Variants in SAMD12 observed in about 807,000 individuals in gnomAD.
SAMD12 encodes the protein sterile alpha motif domain containing 12.
SAMD12 carries 9 observed loss-of-function variants against 15.0 expected under a neutral mutation model. That is an observed-to-expected ratio of 0.60 (90% confidence interval 0.36 to 1.05). SAMD12 has a LOEUF of 1.05. Among genes scored for constraint, SAMD12 ranks in the 50% least tolerant of loss-of-function variants. The pLI, the probability that SAMD12 is intolerant of heterozygous loss-of-function variation, is 0.01. For synonymous variants in SAMD12, 86 were observed against 90.1 expected (o/e 0.96, Z 0.25); for missense variants, 230 against 234.2 (o/e 0.98, Z 0.12).
At chr8:118,617,097 C>T (rs886416820) in intron 1 of SAMD12, among the ~76,000 whole-genome samples, 2 of 152,202 alleles carry the variant, frequency 1.3e-5, no homozygotes, top group African/African-American at 4.8e-5. Context: ...ACAATATTAG[C>T]AAGCCCACTT....
chr8:118,460,582 G>T (rs1823387606), intron 2 of SAMD12, among the ~76,000 whole-genome samples: 1 of 152,138 alleles, frequency 6.6e-6, no homozygotes, highest in African/African-American at 2.4e-5. Flanking sequence ...GACAAACAGG[G>T]TATCTCTAGG....
At chr8:118,172,851 A>T in the SAMD12 span, among the ~76,000 whole-genome samples, 1 of 152,120 alleles carries the variant, frequency 6.6e-6, no homozygotes, top group African/African-American at 2.4e-5. Flanking sequence ...GACCTCTCTT[A>T]TTCATCTTGC....
intron 1 of SAMD12, among the ~76,000 whole-genome samples, chr8:118,595,560 G>A (rs941995559): frequency 6.6e-6 from 1 of 152,202 alleles, no homozygotes; most frequent in African/African-American, 2.4e-5. Flanking sequence ...TCAGACCAGA[G>A]AAAGTCTATC....
chr8:118,253,245 T>C (rs536050581), intron 4 of SAMD12, among the ~76,000 whole-genome samples: 9 of 152,296 alleles, frequency 5.9e-5, no homozygotes, highest in African/African-American at 2.2e-4. Context: ...AGAAAGGCAG[T>C]GTACTATTAG....
intron 4 of SAMD12, among the ~76,000 whole-genome samples, chr8:118,333,350 A>G (rs7016279): frequency 0.14 from 20,659 of 151,990 alleles, 3,308 homozygotes; most frequent in African/African-American, 0.37. Flanking sequence ...AACCCTTCTC[A>G]TCTACTTCCT....
chr8:118,552,872 T>A (rs1332675691), intron 2 of SAMD12, among the ~76,000 whole-genome samples: 2 of 151,570 alleles, frequency 1.3e-5, no homozygotes, highest in Non-Finnish European at 3.0e-5. Flanking sequence ...TCACAAGCAT[T>A]CTTATACACC....
intron 2 of SAMD12, among the ~76,000 whole-genome samples, chr8:118,470,065 C>T (rs1453949645): frequency 1.3e-5 from 2 of 151,842 alleles, no homozygotes; most frequent in African/African-American, 2.4e-5. Context: ...AAAGAGAAAA[C>T]TACACATGAA....
intron 2 of SAMD12, among the ~76,000 whole-genome samples, chr8:118,555,410 C>T (rs1366122364): frequency 6.6e-6 from 1 of 152,150 alleles, no homozygotes; most frequent in Non-Finnish European, 1.5e-5. Context: ...ATTCATCTCC[C>T]TAAAACAACA....
chr8:118,263,083 A>G (rs1586397622), intron 4 of SAMD12, among the ~76,000 whole-genome samples: 1 of 152,074 alleles, frequency 6.6e-6, no homozygotes, highest in East Asian at 1.9e-4. Flanking sequence ...AGTGCCTGCC[A>G]CCCTTGTTTT....
intron 2 of SAMD12, among the ~76,000 whole-genome samples, chr8:118,539,935 TC>T (rs144841864): frequency 0.094 from 14,289 of 152,256 alleles, 746 homozygotes; most frequent in South Asian, 0.15. Context: ...ATGCATTTAT[TC>T]AACAAATATT....
At chr8:118,531,955 C>T (rs1319474175) in intron 2 of SAMD12, among the ~76,000 whole-genome samples, 1 of 152,146 alleles carries the variant, frequency 6.6e-6, no homozygotes, top group Non-Finnish European at 1.5e-5. Context: ...CCAGAACTTC[C>T]AACACTATGT....
At chr8:118,417,525 T>G (rs1821759433) in intron 3 of SAMD12, among the ~76,000 whole-genome samples, 1 of 152,182 alleles carries the variant, frequency 6.6e-6, no homozygotes, top group African/African-American at 2.4e-5. Flanking sequence ...TAAAGATAAT[T>G]GAACAATTAG....
At chr8:118,426,691 T>C (rs989886063) in intron 3 of SAMD12, among the ~76,000 whole-genome samples, 4 of 152,208 alleles carry the variant, frequency 2.6e-5, no homozygotes, top group Admixed American at 6.5e-5. Context: ...GATGAATGTG[T>C]CCTTGGAGCA....
the SAMD12 span, among the ~76,000 whole-genome samples, chr8:118,175,535 C>A: frequency 0.044 from 6,660 of 152,216 alleles, 490 homozygotes; most frequent in African/African-American, 0.15. Flanking sequence ...GCAAAAGGAA[C>A]CATCTGCACA....
intron 4 of SAMD12, among the ~76,000 whole-genome samples, chr8:118,256,667 T>C (rs564174981): frequency 6.6e-6 from 1 of 151,812 alleles, no homozygotes; most frequent in Admixed American, 6.6e-5. Context: ...TAAAAGAGTA[T>C]AAAAAACTCT....
the SAMD12 span, among the ~76,000 whole-genome samples, chr8:118,133,253 A>T: frequency 6.6e-6 from 1 of 151,696 alleles, no homozygotes; most frequent in Non-Finnish European, 1.5e-5. Context: ...TCAATAAATG[A>T]TATTTCCCCT....
At chr8:118,417,594 A>G (rs938481997) in intron 3 of SAMD12, among the ~76,000 whole-genome samples, 66 of 152,260 alleles carry the variant, frequency 4.3e-4, no homozygotes, top group African/African-American at 1.5e-3. Flanking sequence ...TATTTAGCTA[A>G]TCAGTAAATA....
At chr8:118,616,800 G>A (rs183935182) in intron 1 of SAMD12, among the ~76,000 whole-genome samples, 2 of 152,304 alleles carry the variant, frequency 1.3e-5, no homozygotes, top group Admixed American at 6.5e-5. Context: ...TGTGAGCAGT[G>A]AGCAAGCAAG....
chr8:118,461,988 A>C (rs1288775636), intron 2 of SAMD12, among the ~76,000 whole-genome samples: 1 of 152,246 alleles, frequency 6.6e-6, no homozygotes, highest in African/African-American at 2.4e-5. Context: ...ATTTTCAAAA[A>C]GGAAAACTTG....
Sources: gnomAD v4.1 joint callset for allele counts (sites outside exome capture counted in the v4.1 genomes callset) on GRCh38, gnomAD v4.1.1 for gene constraint, MANE v1.5 for transcripts, NCBI Gene and HGNC (gene_info 2026-07-23, HGNC 2026-07-21) for gene names.